Variants in TSNAX observed in about 807,000 individuals in gnomAD.
TSNAX encodes the protein translin-associated protein X.
A neutral mutation model predicts 33.0 loss-of-function variants in TSNAX; 12 were observed. That is an observed-to-expected ratio of 0.36 (90% CI 0.23 to 0.59). The LOEUF (loss-of-function observed/expected upper bound fraction) is 0.59. Among genes scored for constraint, TSNAX ranks in the 20% least tolerant of loss-of-function variants. TSNAX has a pLI of 0.74. For synonymous variants in TSNAX, 110 were observed against 117.2 expected (o/e 0.94, Z 0.40); for missense variants, 267 against 341.3 (o/e 0.78, Z 1.72).
intron 4 of TSNAX, among the ~76,000 whole-genome samples, chr1:231,559,963 AATT>A (rs1279104097): frequency 5.3e-4 from 79 of 148,884 alleles, no homozygotes; most frequent in African/African-American, 8.1e-4. Flanking sequence ...GAAAGATCCA[AATT>A]ATTATTATTA....
intron 5 of TSNAX, chr1:231,563,647 T>TA (rs1336382486): frequency 7.7e-6 from 1 of 129,296 alleles, no homozygotes; most frequent in Admixed American, 1.0e-4. Context: ...TGGGTGTGGA[T>TA]ATAAATTTTT....
chr1:231,547,637 C>T (rs368197126), intron 4 of TSNAX, among the ~76,000 whole-genome samples: 2 of 151,872 alleles, frequency 1.3e-5, no homozygotes, highest in African/African-American at 4.8e-5. Flanking sequence ...CTGATCCACC[C>T]ACATTGGCCT....
In TSNAX at chr1:231,528,776, C is replaced by T. The variant is rs1346355269; in HGVS notation, c.-35C>T. 1 of 1,614,080 alleles carries T rather than the reference C, an allele frequency of 6.2e-7. No homozygotes were observed. The highest frequency in any genetic ancestry group is 1.3e-5 in the African/African-American group (1 of 75,068). ...CGCACTCCTCTTGCTCCAGGTCCTTCAGTCTCCGCTCGTCTCACCGTAGGC... is the reference window on the plus strand; with the variant it reads ...CGCACTCCTCTTGCTCCAGGTCCTTTAGTCTCCGCTCGTCTCACCGTAGGC... On this transcript the variant is annotated 5_prime_UTR_variant, in exon 1 of 6. Transcript: ENST00000366639.
chr1:231,551,722 CT>C (rs1398346479), intron 4 of TSNAX, among the ~76,000 whole-genome samples: 5 of 149,168 alleles, frequency 3.4e-5, no homozygotes, highest in African/African-American at 1.2e-4. Flanking sequence ...AATCCCAGCA[CT>C]TTGGGAGGTC....
chr1:231,543,190 T>A (rs202177380), intron 4 of TSNAX, among the ~76,000 whole-genome samples: 18 of 151,004 alleles, frequency 1.2e-4, no homozygotes, highest in Non-Finnish European at 1.8e-4. Flanking sequence ...AAAAAAAAAA[T>A]TTTGAGGGTA....
intron 3 of TSNAX, among the ~76,000 whole-genome samples, chr1:231,538,191 G>T (rs990006477): frequency 2.0e-5 from 3 of 151,266 alleles, no homozygotes; most frequent in Non-Finnish European, 2.9e-5. Context: ...ATTTTTCTAC[G>T]CAGGCTTTGT....
chr1:231,553,117 C>T (rs1388957021), intron 4 of TSNAX, among the ~76,000 whole-genome samples: 2 of 151,958 alleles, frequency 1.3e-5, no homozygotes, highest in East Asian at 1.9e-4. Flanking sequence ...TACCTAGGAG[C>T]GGAATTACCG....
chr1:231,544,196 T>C (rs1659757683), intron 4 of TSNAX, among the ~76,000 whole-genome samples: 1 of 152,194 alleles, frequency 6.6e-6, no homozygotes, highest in Non-Finnish European at 1.5e-5. Context: ...TTCTGGAAAG[T>C]GCTTGAACTG....
At chr1:231,538,931 C>CAAA (rs548749042) in intron 3 of TSNAX, among the ~76,000 whole-genome samples, 1 of 62,208 alleles carries the variant, frequency 1.6e-5, no homozygotes, top group African/African-American at 5.4e-5. Context: ...GACCCTGTCT[C>CAAA]AAAAAAAAAA....
intron 4 of TSNAX, among the ~76,000 whole-genome samples, chr1:231,551,311 G>A (rs1457490661): frequency 6.6e-6 from 1 of 152,184 alleles, no homozygotes; most frequent in East Asian, 1.9e-4. Flanking sequence ...GGTAAGGCTT[G>A]CTCAGTGAGG....
At chr1:231,542,269 T>C (rs201132011) in intron 3 of TSNAX, among the ~76,000 whole-genome samples, 13 of 152,188 alleles carry the variant, frequency 8.5e-5, no homozygotes, top group Admixed American at 6.5e-4. Flanking sequence ...ATTTTTCTTA[T>C]AGTAAACATA....
intron 4 of TSNAX, among the ~76,000 whole-genome samples, chr1:231,548,332 A>C (rs186909417): frequency 2.2e-4 from 34 of 152,352 alleles, no homozygotes; most frequent in Admixed American, 2.1e-3. Context: ...ATTGGAGCAC[A>C]GTAAAATGAG....
At chr1:231,560,406 T>TCC (rs869062590) in intron 4 of TSNAX, among the ~76,000 whole-genome samples, 1,005 of 31,834 alleles carry the variant, frequency 0.032, 71 homozygotes, top group Non-Finnish European at 0.04. Flanking sequence ...TTTTCTTTTC[T>TCC]CCCCCCCCCC....
At chr1:231,534,694 G>A (rs1440602228) in intron 2 of TSNAX, 1 of 152,180 alleles carries the variant, frequency 6.6e-6, no homozygotes, top group East Asian at 1.9e-4. Flanking sequence ...TTAGTTCCCA[G>A]GAGATTGCAT....
intron 4 of TSNAX, among the ~76,000 whole-genome samples, chr1:231,559,057 C>A (rs1200346442): frequency 6.6e-6 from 1 of 152,096 alleles, no homozygotes; most frequent in Non-Finnish European, 1.5e-5. Flanking sequence ...ACTGTTGCTG[C>A]CATACCAGAA....
At chr1:231,554,461 C>A (rs1660563199) in intron 4 of TSNAX, among the ~76,000 whole-genome samples, 1 of 152,138 alleles carries the variant, frequency 6.6e-6, no homozygotes, top group South Asian at 2.1e-4. Context: ...ATTGTCCCCA[C>A]CCTCAGAGTT....
intron 4 of TSNAX, among the ~76,000 whole-genome samples, chr1:231,544,818 G>A (rs1196260453): frequency 3.3e-5 from 5 of 152,220 alleles, no homozygotes; most frequent in African/African-American, 1.2e-4. Flanking sequence ...ATTTCCTAAT[G>A]CAGGAAGGAA....
At chr1:231,540,173 C>CAAAAAAAAAA (rs10714707) in intron 3 of TSNAX, among the ~76,000 whole-genome samples, 1 of 70,428 alleles carries the variant, frequency 1.4e-5, no homozygotes, top group Non-Finnish European at 3.3e-5. Context: ...GACTCTGTCT[C>CAAAAAAAAAA]AAAAAAAAAA....
chr1:231,532,695 T>G (rs1658847070), intron 2 of TSNAX, among the ~76,000 whole-genome samples: 1 of 152,236 alleles, frequency 6.6e-6, no homozygotes, highest in Non-Finnish European at 1.5e-5. Context: ...AATCTCTTGT[T>G]TACTAAGTTC....
Sources: allele counts gnomAD v4.1 joint callset (sites outside exome capture counted in the v4.1 genomes callset), GRCh38; gene constraint gnomAD v4.1.1; transcripts MANE v1.5; gene names NCBI Gene and HGNC (gene_info 2026-07-23, HGNC 2026-07-21).